The following FN1 variants were observed in gnomAD, a reference collection of about 807,000 sequenced individuals.
The protein encoded by FN1 is fibronectin 1, also known as fibronectin.
FN1 carries 106 observed loss-of-function variants against 297.3 expected under a neutral mutation model. The ratio of observed to expected loss-of-function variants is 0.36; its 90% CI spans 0.30 to 0.42. The LOEUF is 0.42. Among genes scored for constraint, FN1 ranks in the 10% least tolerant of loss-of-function variants. The probability of loss-of-function intolerance (pLI) is 1.00; values close to 1 mark genes in which losing one functional copy is unlikely to be tolerated. For synonymous variants in FN1, 1,149 were observed against 1,152.6 expected (o/e 1.00, Z 0.06); for missense variants, 2,690 against 3,124.9 (o/e 0.86, Z 3.32).
rs886344541 is a variant in FN1 at position 215,372,359 on chromosome 2, C to G, written c.6264G>C (p.Leu2088=). ...GRKKTDELPQ[L]VTLPHPNLHG... ...GAAGATTGGGGTGTGGAAGGGTTAC[C>G]AGTTGGGGAAGCTCGTCTAGCCGAG... is the stretch of plus-strand genomic sequence containing the variant. The change falls in exon 40 of 46, where the codon CTG becomes CTC. Residue 2088 remains leucine (L), a synonymous_variant. Transcript: ENST00000354785. The G allele has an allele frequency of 3.1e-6, 5 of 1,613,942 alleles. No homozygotes were observed. The African/African-American group carries it at 6.7e-5, about 22-fold the overall frequency.
chr2:215,375,445 A>T, intron 37 of FN1, 52 bp from the exon 38 acceptor site: 1 of 1,528,096 alleles, frequency 6.5e-7, no homozygotes, highest in Non-Finnish European at 9.0e-7. Flanking sequence ...CAAGAAAATT[A>T]CTCCCACACT....
intron 30 of FN1, 135 bp from the exon 31 acceptor site, chr2:215,383,618 C>T: frequency 1.0e-6 from 1 of 960,926 alleles, no homozygotes; most frequent in Non-Finnish European, 1.6e-6. Flanking sequence ...CGAAAGAATA[C>T]AGAGAGAGCT....
Position 215,384,192 on chromosome 2 carries a change from A to G in FN1, c.4730-8T>C, listed in dbSNP as rs375317782. The G allele has an allele frequency of 1.1e-5, 18 of 1,613,976 alleles. No homozygotes were observed. In the African/African-American group the frequency reaches 2.1e-4, roughly 19 times the overall value. On this transcript the variant is annotated splice_polypyrimidine_tract_variant and splice_region_variant and intron_variant, in intron 29 of 45. Transcript: ENST00000354785. ...GGACAGGGCTATTTCCTCCTGTATG[A>G]AAAAGGGTTAGTTCAGAGTGTGAGG... is the stretch of plus-strand genomic sequence containing the variant.
chr2:215,379,009 A>T, intron 34 of FN1, 121 bp downstream of exon 34: 1 of 952,954 alleles, frequency 1.0e-6, no homozygotes, highest in Admixed American at 2.0e-5. Context: ...TTACAATAAG[A>T]TTATTTGATG....
At chr2:215,375,590 A>T (rs766596911) in intron 37 of FN1, 39 bp downstream of exon 37, 106 of 1,429,424 alleles carry the variant, frequency 7.4e-5, no homozygotes, top group Non-Finnish European at 1.0e-4. Context: ...CTGATTGCAT[A>T]CAAGTCAATG....
At chr2:215,412,488 G>A (rs2062799264) in intron 13 of FN1, among the ~76,000 whole-genome samples, 2 of 152,118 alleles carry the variant, frequency 1.3e-5, no homozygotes, top group Admixed American at 6.5e-5. Context: ...CCAGGCTGGA[G>A]TGCAGTAGTG....
intron 12 of FN1, among the ~76,000 whole-genome samples, chr2:215,415,870 A>C (rs1177967517): frequency 6.6e-6 from 1 of 152,110 alleles, no homozygotes; most frequent in South Asian, 2.1e-4. Context: ...ACAGAAAACT[A>C]TCTTTTCTTA....
intron 12 of FN1, 119 bp downstream of exon 12, chr2:215,419,121 CAA>C (rs1444553316): frequency 1.7e-5 from 13 of 772,110 alleles, no homozygotes; most frequent in Non-Finnish European, 2.7e-5. Context: ...TAGATAATAA[CAA>C]GAGAAAAGGG....
rs1316246110 is a variant in FN1, at chr2:215,372,164, C to CCTAAAACCACTTTA, written c.6458_6459insTAAAGTGGTTTTAG (p.Pro2154LysfsTer12). On this transcript the variant is annotated frameshift_variant, in exon 40 of 46. Transcript: ENST00000354785. LOFTEE classifies it high-confidence loss of function. ...GCCTTATGGGGGTGGCCGTTGTGGGCGGTGTGGTCCGCCTAAAACCATGTT... is the reference window on the plus strand; with the variant it reads ...GCCTTATGGGGGTGGCCGTTGTGGGCCTAAAACCACTTTAGGTGTGGTCCGCCTAAAACCATGTT... 4 of 1,614,038 alleles carry CCTAAAACCACTTTA rather than the reference C, an allele frequency of 2.5e-6. No homozygotes were observed. The Admixed American group carries it at 6.7e-5, about 27-fold the overall frequency.
At chr2:215,399,420 C>G (rs891893633) in intron 20 of FN1, 69 bp from the exon 21 acceptor site, 1 of 1,060,918 alleles carries the variant, frequency 9.4e-7, no homozygotes, top group Non-Finnish European at 1.5e-6. Context: ...ATATAGATAA[C>G]AAGTATTTTT....
Position 215,393,103 on chromosome 2 carries a change from G to A in FN1, c.3897C>T (p.Arg1299=). The A allele has an allele frequency of 6.2e-7, 1 of 1,614,068 alleles. No individual in the cohort carries two copies. Among genetic ancestry groups the A allele is most frequent in the Non-Finnish European group, 8.5e-7 (1 of 1,180,018 alleles). Residue 1299 remains arginine (R), a synonymous_variant, in exon 25 of 46, where the codon CGC becomes CGT. Coordinates refer to ENST00000354785, the MANE Select transcript of FN1 (RefSeq NM_212482.4). The part of the protein sequence containing the change: ...PLNSSTIIGY[R]ITVVAAGEGI... ...CTTCTCCTGCCGCAACTACTGTGATGCGGTACCCAATAATGGTGGAAGAGT... is the reference window on the plus strand; with the variant it reads ...CTTCTCCTGCCGCAACTACTGTGATACGGTACCCAATAATGGTGGAAGAGT...
rs1431525168 is a variant in FN1 at position 215,434,954 on chromosome 2, T to C, written c.149-130A>G. 1.3e-5 allele frequency: 13 copies of C among 1,037,076 alleles called. 1 individual carries two copies. In the African/African-American group the frequency reaches 1.9e-4, roughly 15 times the overall value. The allele number at this position is 1,037,076 out of a possible 1,614,324, so 64.2% of individuals were successfully genotyped here. A position where few individuals can be genotyped will look rare whatever the true frequency, so the allele number is the denominator to read the frequency against. Reference sequence around the variant, plus strand: ...CTTTGCTAAAAGTTATATACAATGATGTCATTTCCATCTGGCCAGGGGTCT... The same window carrying C: ...CTTTGCTAAAAGTTATATACAATGACGTCATTTCCATCTGGCCAGGGGTCT... On this transcript the variant is annotated intron_variant, in intron 1 of 45. Coordinates refer to ENST00000354785, the MANE Select transcript of FN1 (RefSeq NM_212482.4).
chr2:215,425,738 G>T (rs2065214742), intron 6 of FN1, among the ~76,000 whole-genome samples: 1 of 151,948 alleles, frequency 6.6e-6, no homozygotes, highest in Admixed American at 6.6e-5. Context: ...GTATTTTTTA[G>T]TAGAGACGGG....
At chr2:215,427,932 C>T (rs1199735376) in intron 6 of FN1, among the ~76,000 whole-genome samples, 1 of 151,960 alleles carries the variant, frequency 6.6e-6, no homozygotes, top group South Asian at 2.1e-4. Flanking sequence ...TCAGTTTTAT[C>T]TTTTGGAGAT....
chr2:215,409,844 A>T lies in FN1; in HGVS notation c.2122+90T>A. On this transcript the variant is annotated intron_variant, in intron 14 of 45. Transcript: ENST00000354785. The stretch of plus-strand genomic sequence containing the variant: ...AAAACGTTGGTGCCCCTCCTGGAAG[A>T]ATATGAATTGAGAAGGAAAGCATTG... The T allele has an allele frequency of 3.8e-6, 6 of 1,595,588 alleles. No individual in the cohort carries two copies. In the African/African-American group the frequency reaches 8.0e-5, roughly 21 times the overall value.
At chr2:215,433,578 A>C in intron 2 of FN1, 117 bp from the exon 3 acceptor site, 1 of 1,004,494 alleles carries the variant, frequency 1.0e-6, no homozygotes, top group Non-Finnish European at 1.5e-6. Context: ...GGTACACCTC[A>C]AAGAATAAAA....
At chr2:215,372,572 AGTTT>A in intron 39 of FN1, 197 bp from the exon 40 acceptor site, 4 of 618,210 alleles carry the variant, frequency 6.5e-6, no homozygotes, top group South Asian at 3.8e-5. Context: ...GTTTCTTTAT[AGTTT>A]AGAAAGAAAA....
At chr2:215,377,079 AGAGTGT>A (rs754420698) in intron 35 of FN1, among the ~76,000 whole-genome samples, 36 of 75,126 alleles carry the variant, frequency 4.8e-4, no homozygotes, top group South Asian at 4.1e-3. Context: ...AGAGAGAGAG[AGAGTGT>A]GTGTGTGTGT....
At chr2:215,422,752 A>G (rs1034214386) in intron 9 of FN1, among the ~76,000 whole-genome samples, 1 of 152,338 alleles carries the variant, frequency 6.6e-6, no homozygotes, top group African/African-American at 2.4e-5. Context: ...TGTTTCTACA[A>G]CTGGAAAATT....
Sources: allele counts gnomAD v4.1 joint callset (sites outside exome capture counted in the v4.1 genomes callset), GRCh38; gene constraint gnomAD v4.1.1; transcripts MANE v1.5; gene names NCBI Gene and HGNC (gene_info 2026-07-23, HGNC 2026-07-21).